NPLOC4: variants seen among roughly 807,000 people sequenced by gnomAD.
NPLOC4 encodes nuclear protein localization protein 4 homolog.
NPLOC4 carries 18 observed loss-of-function variants against 80.6 expected under a neutral mutation model. That is an observed-to-expected ratio of 0.22 (90% CI 0.15 to 0.33). The LOEUF (loss-of-function observed/expected upper bound fraction) is 0.33. Among genes scored for constraint, NPLOC4 ranks in the 10% least tolerant of loss-of-function variants. The pLI, the probability that NPLOC4 is intolerant of heterozygous loss-of-function variation, is 1.00. For synonymous variants in NPLOC4, 313 were observed against 301.5 expected (o/e 1.04, Z -0.39); for missense variants, 540 against 786.1 (o/e 0.69, Z 3.74).
In NPLOC4 at chr17:81,596,145, C is replaced by A; in HGVS notation, c.1091G>T (p.Gly364Val). ...AGCCACTGCAGTAACAAACTTGGAT[C>A]CAAAATGTCCGTCTGGAGAGAGCCG... ...MCRLSPDGHFGSKFVTAVATG... is the reference protein window; with the variant it reads ...MCRLSPDGHFVSKFVTAVATG... The change falls in exon 11 of 17, where the codon GGA becomes GTA. Residue 364 changes from glycine to valine, a missense_variant. Physicochemically the swap from Gly to Val is moderately radical, Grantham distance 109. This residue lies in a region of NPLOC4 where 251 missense variants were observed against 377.5 expected (regional missense o/e 0.66). Transcript: ENST00000331134. The A allele has an allele frequency of 6.2e-7, 1 of 1,613,884 alleles. No individual in the cohort carries two copies. Among genetic ancestry groups the A allele is most frequent in the Non-Finnish European group, 8.5e-7 (1 of 1,179,868 alleles).
chr17:81,585,867 T>C (rs141912560), intron 12 of NPLOC4, among the ~76,000 whole-genome samples: 1 of 152,086 alleles, frequency 6.6e-6, no homozygotes, highest in Non-Finnish European at 1.5e-5. Context: ...TGTGCGCCTA[T>C]AGTCCCAGCT....
chr17:81,630,256 T>A (rs533390869), intron 1 of NPLOC4, among the ~76,000 whole-genome samples: 6 of 152,128 alleles, frequency 3.9e-5, no homozygotes, highest in Non-Finnish European at 7.4e-5. Flanking sequence ...AGTCCTACAA[T>A]TTAAAAGAAT....
intron 3 of NPLOC4, 61 bp downstream of exon 3, chr17:81,622,105 G>A (rs1313341421): frequency 2.2e-5 from 27 of 1,234,078 alleles, no homozygotes; most frequent in Middle Eastern, 2.0e-4. Flanking sequence ...CGGCAACCTC[G>A]GGCAGATCAT....
intron 14 of NPLOC4, among the ~76,000 whole-genome samples, chr17:81,568,381 G>A (rs149775522): frequency 1.4e-3 from 219 of 152,350 alleles, no homozygotes; most frequent in African/African-American, 4.9e-3. Flanking sequence ...TCCCCTGGGC[G>A]GATGGGCACT....
chr17:81,615,775 A>C (rs1598671405), intron 3 of NPLOC4, among the ~76,000 whole-genome samples: 1 of 152,176 alleles, frequency 6.6e-6, no homozygotes, highest in East Asian at 1.9e-4. Context: ...GCTGTGAAAA[A>C]CCCACCAGCT....
At chr17:81,586,879 C>T (rs748407589) in intron 12 of NPLOC4, among the ~76,000 whole-genome samples, 1 of 152,226 alleles carries the variant, frequency 6.6e-6, no homozygotes, top group Non-Finnish European at 1.5e-5. Context: ...TCGGCTCTGA[C>T]CAGCTACTTG....
At chr17:81,615,791 T>C (rs989065909) in intron 3 of NPLOC4, among the ~76,000 whole-genome samples, 1 of 151,830 alleles carries the variant, frequency 6.6e-6, no homozygotes, top group Admixed American at 6.6e-5. Flanking sequence ...CAGCTGAAAA[T>C]AGGAACCAAG....
chr17:81,562,631 C>CTT (rs1424681700), intron 16 of NPLOC4: 5 of 152,244 alleles, frequency 3.3e-5, no homozygotes, highest in Non-Finnish European at 7.3e-5. Context: ...CCAGTCAGAA[C>CTT]TTACACCAGT....
intron 2 of NPLOC4, among the ~76,000 whole-genome samples, chr17:81,624,770 C>G (rs1225541379): frequency 3.9e-5 from 6 of 152,162 alleles, no homozygotes; most frequent in Non-Finnish European, 8.8e-5. Context: ...CAGGGCCCAC[C>G]CAGCGGTGGG....
intron 7 of NPLOC4, among the ~76,000 whole-genome samples, chr17:81,605,581 G>C (rs1387396864): frequency 6.6e-6 from 1 of 151,684 alleles, no homozygotes; most frequent in Admixed American, 6.6e-5. Flanking sequence ...CTGGGAGGCT[G>C]AGGTTGCAGT....
chr17:81,624,099 A>G (rs912045655), intron 2 of NPLOC4, among the ~76,000 whole-genome samples: 1 of 152,078 alleles, frequency 6.6e-6, no homozygotes, highest in African/African-American at 2.4e-5. Context: ...AGCCTGACCA[A>G]CATGGTGAAA....
intron 2 of NPLOC4, among the ~76,000 whole-genome samples, chr17:81,626,021 C>G (rs2144315864): frequency 6.6e-6 from 1 of 151,950 alleles, no homozygotes; most frequent in South Asian, 2.1e-4. Flanking sequence ...TGGTGGTGCA[C>G]CCCTGTAATC....
chr17:81,565,540 C>T lies in NPLOC4; in HGVS notation c.1634G>A (p.Arg545Lys). The T allele has an allele frequency of 6.4e-7, 1 of 1,555,116 alleles. No individual in the cohort carries two copies. The highest frequency in any genetic ancestry group is 2.4e-5 in the East Asian group (1 of 41,504). ...RNEELAQTWK[R>K]SEQWATIEQL... is the part of the protein sequence containing the mutation. The stretch of plus-strand genomic sequence containing the variant: ...CTCGATGGTGGCCCACTGCTCAGAC[C>T]TCTTCCATGTCTGGGCGAGCTCCTC... The change falls in exon 16 of 17, where the codon AGG (arginine) becomes AAG (lysine). Residue 545 changes from arginine to lysine, a missense_variant. Physicochemically the swap from Arg to Lys is conservative, Grantham distance 26. Coordinates refer to ENST00000331134, the MANE Select transcript of NPLOC4 (RefSeq NM_017921.4).
At chr17:81,611,883 CG>C (rs1327828866) in intron 4 of NPLOC4, among the ~76,000 whole-genome samples, 2 of 147,826 alleles carry the variant, frequency 1.4e-5, no homozygotes, top group African/African-American at 5.0e-5. Context: ...TGGCGTGAAC[CG>C]GGGGGACGCA....
intron 12 of NPLOC4, among the ~76,000 whole-genome samples, chr17:81,574,516 C>T (rs1444326395): frequency 1.3e-5 from 2 of 152,102 alleles, no homozygotes; most frequent in African/African-American, 4.8e-5. Context: ...AGTTGGAATG[C>T]GCTGGGAGGA....
chr17:81,581,052 A>T (rs976591493), intron 12 of NPLOC4, among the ~76,000 whole-genome samples: 3 of 152,146 alleles, frequency 2.0e-5, no homozygotes, highest in Non-Finnish European at 1.5e-5. Context: ...GAAAATAGAG[A>T]TTTTAAAACA....
intron 12 of NPLOC4, among the ~76,000 whole-genome samples, chr17:81,579,139 C>G (rs764979778): frequency 3.3e-5 from 5 of 152,176 alleles, no homozygotes; most frequent in Non-Finnish European, 7.4e-5. Context: ...CTTTGGGAGG[C>G]AAGGCAGGTG....
chr17:81,616,436 A>C (rs1358008466), intron 3 of NPLOC4, among the ~76,000 whole-genome samples: 1 of 151,640 alleles, frequency 6.6e-6, no homozygotes, highest in East Asian at 2.0e-4. Context: ...CAAATGTAGA[A>C]GAGTAACACA....
intron 1 of NPLOC4, among the ~76,000 whole-genome samples, chr17:81,635,113 G>A (rs754372358): frequency 5.3e-5 from 8 of 151,886 alleles, no homozygotes; most frequent in Admixed American, 2.0e-4. Context: ...ATGCCAAGGC[G>A]GGCGGATCAC....
Sources: allele counts gnomAD v4.1 joint callset (sites outside exome capture counted in the v4.1 genomes callset), GRCh38; gene constraint gnomAD v4.1.1; regional missense constraint gnomAD v4.1.1; transcripts MANE v1.5; gene names NCBI Gene and HGNC (gene_info 2026-07-23, HGNC 2026-07-21).